Variants in TMEM185A observed in about 807,000 individuals in gnomAD.
The protein encoded by TMEM185A is family with sequence similarity 11, member A.
TMEM185A carries 9 observed loss-of-function variants against 25.0 expected under a neutral mutation model. That is an observed-to-expected ratio of 0.36 (90% CI 0.22 to 0.63). The LOEUF (loss-of-function observed/expected upper bound fraction) is 0.63, where lower values mean the gene tolerates loss of function less well. Among genes scored for constraint, TMEM185A ranks in the 20% least tolerant of loss-of-function variants. The probability of loss-of-function intolerance (pLI) is 0.68; values close to 1 mark genes in which losing one functional copy is unlikely to be tolerated. For missense variants in TMEM185A, 103 were observed against 237.4 expected (o/e 0.43, Z 3.72); for synonymous variants, 45 against 93.5 (o/e 0.48, Z 2.99).
chrX:149,622,345 T>G (rs1356602344), intron 1 of TMEM185A, among the ~76,000 whole-genome samples: 1 of 112,058 alleles, frequency 8.9e-6, no homozygotes, highest in Non-Finnish European at 1.9e-5. Flanking sequence ...AATATTTTAA[T>G]TGTGGGCTTC....
chrX:149,606,511 C>T (rs1257020632), intron 3 of TMEM185A, among the ~76,000 whole-genome samples: 1 of 112,522 alleles, frequency 8.9e-6, no homozygotes, highest in Non-Finnish European at 1.9e-5. Flanking sequence ...TCTGTAGAGG[C>T]TCCCTCTCTT....
chrX:149,612,979 C>T (rs1177886684), intron 1 of TMEM185A, among the ~76,000 whole-genome samples: 2 of 111,930 alleles, frequency 1.8e-5, no homozygotes, highest in Non-Finnish European at 3.8e-5. Context: ...CATATCGCTT[C>T]TGCTTCCACT....
At position 149,631,781 on chromosome X, in the gene TMEM185A, C is replaced by CGCCG. The variant is rs1602893375; in HGVS notation, c.-202_-201insCGGC. ...CCGCCGCCGCCGCCGCCGCCGCCGC[C>CGCCG]CGGAGAAACCTGAGCCACCGCCCCC... On this transcript the variant is annotated 5_prime_UTR_variant, in exon 1 of 7. Transcript: ENST00000600449. 5.8e-5 allele frequency: 17 copies of CGCCG among 291,477 alleles called. No homozygotes were observed. Among genetic ancestry groups the CGCCG allele is most frequent in the South Asian group, 1.2e-4 (1 of 8,461 alleles). The allele number at this position is 291,477 out of a possible 1,213,427, so 24.0% of individuals were successfully genotyped here.
intron 1 of TMEM185A, among the ~76,000 whole-genome samples, chrX:149,613,316 G>A (rs2090094075): frequency 8.9e-6 from 1 of 112,283 alleles, no homozygotes; most frequent in African/African-American, 3.2e-5. Context: ...GTGGAAGAGA[G>A]ATGAGGCAGA....
chrX:149,618,254 G>A (rs2090120763), intron 1 of TMEM185A, among the ~76,000 whole-genome samples: 1 of 111,360 alleles, frequency 9.0e-6, no homozygotes, highest in African/African-American at 3.3e-5. Flanking sequence ...TTTCTGTAAG[G>A]TACGTGTACT....
At chrX:149,631,294 C>G (rs1310143143) in intron 1 of TMEM185A, among the ~76,000 whole-genome samples, 2 of 110,514 alleles carry the variant, frequency 1.8e-5, no homozygotes, top group African/African-American at 6.6e-5. Context: ...CAGGACGGGG[C>G]TCGCGGCCGG....
intron 1 of TMEM185A, among the ~76,000 whole-genome samples, chrX:149,615,199 C>T (rs1451851117): frequency 8.9e-6 from 1 of 112,216 alleles, no homozygotes; most frequent in Non-Finnish European, 1.9e-5. Flanking sequence ...TAGCAACCTT[C>T]GTGGTATTAG....
At position 149,628,809 on chromosome X, in the gene TMEM185A, G is replaced by A. The variant is rs2090176783; in HGVS notation, c.38+2734C>T. On this transcript the variant is annotated intron_variant, in intron 1 of 6. Transcript: ENST00000600449. ...AATGGCTGCACTCTGAAGGTGGGAA[G>A]AGTGTGAGAAGAAAGAGAACCAGGC... 2.7e-5 allele frequency among the ~76,000 whole-genome samples: 3 copies of A among 112,462 alleles called. No individual in the cohort carries two copies. In the South Asian group the frequency reaches 1.1e-3, roughly 42 times the overall value.
chrX:149,615,319 G>A (rs1245069180), intron 1 of TMEM185A, among the ~76,000 whole-genome samples: 4 of 111,920 alleles, frequency 3.6e-5, no homozygotes, highest in African/African-American at 1.3e-4. Flanking sequence ...AGGAAAAGAA[G>A]AGCATCTATG....
At position 149,631,729 on chromosome X, in the gene TMEM185A, TCGCCGTCGCCGCCGC is replaced by T. The variant is rs1393745463; in HGVS notation, c.-164_-150del. On this transcript the variant is annotated 5_prime_UTR_variant, in exon 1 of 7. Transcript: ENST00000600449. ...GCTGCCGTCCCCGCTGCCGTCGCCG[TCGCCGTCGCCGCCGC>T]CGCCGCCGCCGCCGCCGCCGCCGCC... 3.2e-4 allele frequency: 141 copies of T among 438,591 alleles called. 1 individual carries two copies. Among genetic ancestry groups the T allele is most frequent in the East Asian group, 1.7e-3 (26 of 15,748 alleles). 36.1% of individuals were successfully genotyped at this position (438,591 alleles called of 1,213,427 possible).
At chrX:149,623,340 T>C (rs1177017727) in intron 1 of TMEM185A, among the ~76,000 whole-genome samples, 2 of 111,616 alleles carry the variant, frequency 1.8e-5, no homozygotes, top group Non-Finnish European at 3.8e-5. Flanking sequence ...AATTTATTAA[T>C]AGGTAATATG....
rs16992978 is a variant in TMEM185A, at chrX:149,610,071, C to T, written c.215+1216G>A. Among the ~76,000 whole-genome samples the T allele has an allele frequency of 4.4e-3, 490 of 111,505 alleles. 6 individuals are homozygous for T. The highest frequency in any genetic ancestry group is 0.015 in the African/African-American group (467 of 30,637). ...GTGTAACTGTTTTACAGTTCTTAGA[C>T]ATGTATGTGATATGTAATTTACACA... is the stretch of plus-strand genomic sequence containing the variant. On this transcript the variant is annotated intron_variant, in intron 2 of 6. Coordinates refer to ENST00000600449, the MANE Select transcript of TMEM185A (RefSeq NM_032508.4).
chrX:149,606,170 C>T (rs1348295583), intron 3 of TMEM185A, among the ~76,000 whole-genome samples: 1 of 112,467 alleles, frequency 8.9e-6, no homozygotes, highest in African/African-American at 3.2e-5. Flanking sequence ...ATTTCCCACG[C>T]CTTGGAATCA....
At chrX:149,629,383 T>C (rs1557356375) in intron 1 of TMEM185A, among the ~76,000 whole-genome samples, 1 of 111,417 alleles carries the variant, frequency 9.0e-6, no homozygotes, top group Non-Finnish European at 1.9e-5. Flanking sequence ...TTCTTTCTCC[T>C]ATAGAGAAGG....
chrX:149,623,127 A>G (rs1557355654), intron 1 of TMEM185A, among the ~76,000 whole-genome samples: 2 of 111,992 alleles, frequency 1.8e-5, no homozygotes, highest in African/African-American at 6.5e-5. Flanking sequence ...ATTTCTATCT[A>G]ACTGTATTAT....
At chrX:149,608,307 C>CAA (rs2090062745) in intron 3 of TMEM185A, 1 of 170,473 alleles carries the variant, frequency 5.9e-6, no homozygotes, top group Admixed American at 7.7e-5. Context: ...AATAACTGAG[C>CAA]AAAATATTTT....
chrX:149,614,850 A>G (rs782529208), intron 1 of TMEM185A, among the ~76,000 whole-genome samples: 12 of 112,177 alleles, frequency 1.1e-4, no homozygotes, highest in South Asian at 3.7e-4. Flanking sequence ...GGAAACTGCA[A>G]TTCTAGTTAA....
chrX:149,616,663 A>G (rs1557355069), intron 1 of TMEM185A, among the ~76,000 whole-genome samples: 1 of 111,977 alleles, frequency 8.9e-6, no homozygotes, highest in East Asian at 2.8e-4. Context: ...GGAAGTGGGT[A>G]TCTTTGTGGG....
intron 1 of TMEM185A, among the ~76,000 whole-genome samples, chrX:149,622,679 A>C (rs782601019): frequency 8.9e-6 from 1 of 111,788 alleles, no homozygotes; most frequent in Non-Finnish European, 1.9e-5. Flanking sequence ...AAAAAGGAGC[A>C]ACAATGCGTT....
Sources: allele counts gnomAD v4.1 joint callset (sites outside exome capture counted in the v4.1 genomes callset), GRCh38; gene constraint gnomAD v4.1.1; transcripts MANE v1.5; gene names NCBI Gene and HGNC (gene_info 2026-07-23, HGNC 2026-07-21).